Variants in LRP1B observed in about 807,000 individuals in gnomAD.
LRP1B encodes the protein low-density lipoprotein receptor-related protein 1B.
LRP1B carries 217 observed loss-of-function variants against 556.6 expected under a neutral mutation model. The ratio of observed to expected loss-of-function variants is 0.39; its 90% CI spans 0.35 to 0.44. The LOEUF (loss-of-function observed/expected upper bound fraction) is 0.44, where lower values mean the gene tolerates loss of function less well. LRP1B is among the 20% of genes least tolerant of loss of function. LRP1B has a pLI of 1.00. For synonymous variants in LRP1B, 2,047 were observed against 1,865.8 expected, an observed-to-expected ratio of 1.10 and a Z score of -2.50; for missense variants, 5,053 against 5,620.8, an observed-to-expected ratio of 0.90 and a Z score of 3.23.
intron 66 of LRP1B, among the ~76,000 whole-genome samples, chr2:140,434,901 A>G (rs1036507938): frequency 4.6e-5 from 7 of 152,204 alleles, no homozygotes; most frequent in African/African-American, 1.7e-4. Context: ...ACATATAAGC[A>G]TAAGTGTAAG....
chr2:140,339,038 C>A (rs922166650), intron 77 of LRP1B, among the ~76,000 whole-genome samples: 1 of 151,722 alleles, frequency 6.6e-6, no homozygotes, highest in African/African-American at 2.4e-5. Flanking sequence ...CTGCTTTCTT[C>A]AGACAGACGA....
Position 140,982,222 on chromosome 2 carries a change from C to T in LRP1B, c.2825G>A (p.Arg942Lys), listed in dbSNP as rs1215059437. ...FSCGNGRCIP[R>K]AWLCDREDDC... ...GTCTTCCCTGTCACACAGCCATGCT[C>T]TGGGAATGCAACGCCCATTTCCGCA... Residue 942 changes from arginine to lysine, a missense_variant, in exon 18 of 91, where the codon AGA becomes AAA. By Grantham distance (26) the Arg-to-Lys change is conservative (BLOSUM62 2). Coordinates refer to ENST00000389484, the MANE Select transcript of LRP1B (RefSeq NM_018557.3). 6 of 1,613,428 alleles carry T rather than the reference C, an allele frequency of 3.7e-6. No individual in the cohort carries two copies. Among genetic ancestry groups the T allele is most frequent in the Non-Finnish European group, 5.1e-6 (6 of 1,179,588 alleles).
chr2:141,071,685 G>C (rs1003013812), intron 7 of LRP1B, among the ~76,000 whole-genome samples: 1 of 151,948 alleles, frequency 6.6e-6, no homozygotes, highest in African/African-American at 2.4e-5. Context: ...TGTACAAAAA[G>C]CACAAGCATT....
chr2:140,665,991 A>G (rs1394081652), intron 41 of LRP1B, among the ~76,000 whole-genome samples: 1 of 142,796 alleles, frequency 7.0e-6, no homozygotes, highest in Non-Finnish European at 1.5e-5. Context: ...TAAAAAAAAA[A>G]AAATTTTTTT....
At chr2:141,023,836 A>G (rs914160803) in intron 11 of LRP1B, among the ~76,000 whole-genome samples, 5 of 152,066 alleles carry the variant, frequency 3.3e-5, no homozygotes, top group East Asian at 1.9e-4. Context: ...TAGTTTCTAC[A>G]TTTTTCTACC....
intron 2 of LRP1B, among the ~76,000 whole-genome samples, chr2:141,538,533 C>A (rs531604286): frequency 9.9e-5 from 15 of 152,138 alleles, no homozygotes; most frequent in Admixed American, 9.2e-4. Flanking sequence ...TCATTTTAAA[C>A]CCTGAATACA....
chr2:141,011,708 C>T (rs1208002485), intron 14 of LRP1B, among the ~76,000 whole-genome samples: 1 of 151,970 alleles, frequency 6.6e-6, no homozygotes, highest in Non-Finnish European at 1.5e-5. Context: ...AATCAGAGCT[C>T]AGTTTTTATT....
intron 2 of LRP1B, among the ~76,000 whole-genome samples, chr2:141,501,737 T>A (rs1683718544): frequency 1.3e-5 from 2 of 152,226 alleles, no homozygotes; most frequent in Admixed American, 1.3e-4. Flanking sequence ...AAAAGAAACA[T>A]GCATTGTAGA....
At chr2:141,176,082 G>A (rs1009087747) in intron 7 of LRP1B, among the ~76,000 whole-genome samples, 1 of 152,036 alleles carries the variant, frequency 6.6e-6, no homozygotes, top group African/African-American at 2.4e-5. Context: ...ATTGTATCTT[G>A]GATATAACGA....
chr2:141,657,147 A>G (rs1182051639), intron 2 of LRP1B, among the ~76,000 whole-genome samples: 1 of 152,120 alleles, frequency 6.6e-6, no homozygotes, highest in Non-Finnish European at 1.5e-5. Flanking sequence ...TTATGTGTAC[A>G]TAATTAACTG....
chr2:140,841,985 T>C (rs909637654), intron 29 of LRP1B, among the ~76,000 whole-genome samples: 4 of 152,204 alleles, frequency 2.6e-5, no homozygotes, highest in African/African-American at 7.2e-5. Flanking sequence ...TCTGTACTTA[T>C]AGAGTTCTCT....
chr2:140,324,133 ATCC>A (rs2105060006), intron 80 of LRP1B, 67 bp from the exon 81 acceptor site: 1 of 945,564 alleles, frequency 1.1e-6, no homozygotes, highest in African/African-American at 1.6e-5. Context: ...AACTATGTTT[ATCC>A]AAGACGATAT....
intron 17 of LRP1B, among the ~76,000 whole-genome samples, chr2:140,987,700 T>C (rs76825380): frequency 0.014 from 2,113 of 152,202 alleles, 73 homozygotes; most frequent in East Asian, 0.13. Context: ...AGAATAATAA[T>C]TGGGCTTGGC....
chr2:140,371,612 GTTT>G (rs35459142), intron 69 of LRP1B, among the ~76,000 whole-genome samples: 2 of 147,738 alleles, frequency 1.4e-5, no homozygotes, highest in African/African-American at 4.9e-5. Context: ...TGTTACATGA[GTTT>G]TTTTTTTTAC....
At chr2:140,394,594 C>T (rs1235591807) in intron 66 of LRP1B, among the ~76,000 whole-genome samples, 1 of 152,008 alleles carries the variant, frequency 6.6e-6, no homozygotes, top group African/African-American at 2.4e-5. Context: ...CTTGGAAGTC[C>T]CACATAACAT....
Position 141,110,259 on chromosome 2 carries a change from C to T in LRP1B, c.1014-47986G>A, listed in dbSNP as rs549815654. 5.2e-5 allele frequency among the ~76,000 whole-genome samples: 7 copies of T among 134,732 alleles called. No individual in the cohort carries two copies. In the South Asian group the frequency reaches 1.8e-3, roughly 35 times the overall value. 88.4% of individuals were successfully genotyped at this position (134,732 alleles called of 152,430 possible). On this transcript the variant is annotated intron_variant, in intron 7 of 90. Transcript: ENST00000389484. ...AAAGGATATAAATTTAATTTTATAT[C>T]TTTCTAATTAATGTTAATATCCATA...
At chr2:140,616,817 T>C (rs1470566288) in intron 41 of LRP1B, among the ~76,000 whole-genome samples, 1 of 151,938 alleles carries the variant, frequency 6.6e-6, no homozygotes, top group Non-Finnish European at 1.5e-5. Context: ...ATCAATTCTT[T>C]TATCCTTTGT....
chr2:140,961,068 A>G (rs1388049538), intron 18 of LRP1B, among the ~76,000 whole-genome samples: 1 of 151,942 alleles, frequency 6.6e-6, no homozygotes, highest in African/African-American at 2.4e-5. Context: ...TCTCTATTTA[A>G]TCCTCATGCC....
intron 37 of LRP1B, among the ~76,000 whole-genome samples, chr2:140,706,786 C>G (rs1374121333): frequency 6.6e-6 from 1 of 151,708 alleles, no homozygotes; most frequent in Non-Finnish European, 1.5e-5. Context: ...TACAGATTGA[C>G]ATCAGAATTA....
Sources: allele counts gnomAD v4.1 joint callset (sites outside exome capture counted in the v4.1 genomes callset), GRCh38; gene constraint gnomAD v4.1.1; transcripts MANE v1.5; gene names NCBI Gene and HGNC (gene_info 2026-07-23, HGNC 2026-07-21).